CRYBG1: variants seen among roughly 807,000 people sequenced by gnomAD.
CRYBG1 encodes crystallin beta-gamma domain containing 1.
In CRYBG1, 139 loss-of-function variants were observed where a neutral mutation model predicts 189.2. That is an observed-to-expected ratio of 0.73 (90% CI 0.64 to 0.85). The LOEUF is 0.85. CRYBG1 is among the 40% of genes least tolerant of loss of function. CRYBG1 has a pLI of 0.00. For missense variants in CRYBG1, 2,611 were observed against 2,675.8 expected (o/e 0.98, Z 0.53); for synonymous variants, 1,023 against 1,017.1 (o/e 1.01, Z -0.11).
intron 2 of CRYBG1, among the ~76,000 whole-genome samples, chr6:106,501,363 C>T (rs1268478570): frequency 6.6e-6 from 1 of 152,144 alleles, no homozygotes; most frequent in Non-Finnish European, 1.5e-5. Flanking sequence ...TTTCTTTATT[C>T]TAGCCATGAC....
At position 106,512,233 on chromosome 6, in the gene CRYBG1, T is replaced by A; in HGVS notation, c.1116T>A (p.Pro372=). ...CCCGCCCCAAGGGTCACGCCCACCC[T>A]GCTAAGGTGCTAACTTTGGACATCT... ...CTARPKGHAH[P]AKVLTLDIYL... Residue 372 remains proline (P), a synonymous_variant, in exon 3 of 22, where the codon CCT becomes CCA. Coordinates refer to ENST00000633556, the MANE Select transcript of CRYBG1 (RefSeq NM_001371242.2). 1 of 1,539,464 alleles carries A rather than the reference T, an allele frequency of 6.5e-7. No homozygotes were observed. Among genetic ancestry groups the A allele is most frequent in the Admixed American group, 2.0e-5 (1 of 51,024 alleles).
intron 9 of CRYBG1, 45 bp from the exon 10 acceptor site, chr6:106,541,541 T>G: frequency 6.4e-7 from 1 of 1,571,872 alleles, no homozygotes; most frequent in South Asian, 1.1e-5. Flanking sequence ...AAAATGGTAA[T>G]GTATCAGTGA....
At chr6:106,443,100 A>G (rs1026788703) in intron 1 of CRYBG1, among the ~76,000 whole-genome samples, 1 of 152,200 alleles carries the variant, frequency 6.6e-6, no homozygotes, top group African/African-American at 2.4e-5. Flanking sequence ...TGAAGTTTAG[A>G]AGTAGGATAG....
At chr6:106,399,737 G>A (rs1770686172) in intron 1 of CRYBG1, among the ~76,000 whole-genome samples, 1 of 149,546 alleles carries the variant, frequency 6.7e-6, no homozygotes, top group Non-Finnish European at 1.5e-5. Context: ...GCTTACTGTA[G>A]CCTCAAACTC....
chr6:106,513,253 C>A (rs531110662), intron 3 of CRYBG1, among the ~76,000 whole-genome samples: 5 of 152,264 alleles, frequency 3.3e-5, no homozygotes, highest in South Asian at 4.1e-4. Context: ...CTTTTTAACA[C>A]AAGATTTAAG....
rs761517241 is a variant in CRYBG1, at chr6:106,555,819, A to C, written c.5637A>C (p.Glu1879Asp). Residue 1879 changes from glutamate to aspartate, a missense_variant, in exon 17 of 22, where the codon GAA becomes GAC. By Grantham distance (45) the Glu-to-Asp change is conservative. This residue lies in a region of CRYBG1 where 1,622 missense variants were observed against 1,735.0 expected (regional missense o/e 0.93). Coordinates refer to ENST00000633556, the MANE Select transcript of CRYBG1 (RefSeq NM_001371242.2). ...TCACTGGTAATCAATACGTGTTGGA[A>C]GAAGGCCATTATCCTTGTCTGTCTG... ...ENFTGNQYVL[E>D]EGHYPCLSAM... is the part of the protein sequence containing the mutation. 3 of 1,614,102 alleles carry C rather than the reference A, an allele frequency of 1.9e-6. No individual in the cohort carries two copies. Among genetic ancestry groups the C allele is most frequent in the East Asian group, 2.2e-5 (1 of 44,904 alleles).
In CRYBG1 at chr6:106,525,258, T is replaced by C. The variant is rs1293654392; in HGVS notation, c.4294-10T>C. ...CAACAAAGTGTGCTACCACTTTCGT[T>C]TTCTTGCAGGTAGTGATATATAGTG... On this transcript the variant is annotated splice_polypyrimidine_tract_variant and intron_variant, in intron 5 of 21. Transcript: ENST00000633556. The C allele has an allele frequency of 1.2e-6, 2 of 1,613,758 alleles. No individual in the cohort carries two copies. The highest frequency in any genetic ancestry group is 1.7e-6 in the Non-Finnish European group (2 of 1,179,756).
chr6:106,427,025 C>T (rs777362356), intron 1 of CRYBG1, among the ~76,000 whole-genome samples: 2 of 152,138 alleles, frequency 1.3e-5, no homozygotes, highest in Non-Finnish European at 2.9e-5. Flanking sequence ...CACTTTCCTC[C>T]TGTCTCCATG....
chr6:106,494,829 G>A (rs951792343), intron 2 of CRYBG1, among the ~76,000 whole-genome samples: 6 of 152,076 alleles, frequency 3.9e-5, no homozygotes, highest in Non-Finnish European at 5.9e-5. Flanking sequence ...AGTGTATAAT[G>A]TATATTTTTG....
chr6:106,550,275 G>A (rs1330504182), intron 13 of CRYBG1, among the ~76,000 whole-genome samples: 6 of 152,124 alleles, frequency 3.9e-5, no homozygotes, highest in Non-Finnish European at 8.8e-5. Context: ...GATTAAATGT[G>A]ATAACAGATG....
intron 2 of CRYBG1, among the ~76,000 whole-genome samples, chr6:106,495,874 G>T (rs1772839735): frequency 6.7e-6 from 1 of 148,592 alleles, no homozygotes; most frequent in African/African-American, 2.5e-5. Context: ...AATTTCAAAG[G>T]CAAAGTGATA....
At chr6:106,402,235 C>T (rs1169441881) in intron 1 of CRYBG1, among the ~76,000 whole-genome samples, 7 of 111,332 alleles carry the variant, frequency 6.3e-5, no homozygotes, top group South Asian at 3.5e-4. Context: ...AGGTAATTTA[C>T]GGATTCAATG....
Position 106,519,332 on chromosome 6 carries a change from T to C in CRYBG1, c.2124T>C (p.Ser708=). 1.2e-6 allele frequency: 2 copies of C among 1,614,112 alleles called. No homozygotes were observed. Among genetic ancestry groups the C allele is most frequent in the South Asian group, 1.1e-5 (1 of 91,082 alleles). Reference sequence around the variant, plus strand: ...GCCAAAGGAATACTCCTGCCTCTAGTAAAACGTTTGTTGGGAGGGCAAAGC... The same window carrying C: ...GCCAAAGGAATACTCCTGCCTCTAGCAAAACGTTTGTTGGGAGGGCAAAGC... The part of the protein sequence containing the change: ...IRGQRNTPAS[S]KTFVGRAKLN... Residue 708 remains serine, a synonymous_variant, in exon 4 of 22, where the codon AGT becomes AGC. Transcript: ENST00000633556.
Position 106,571,928 on chromosome 6 carries a change from G to C in CRYBG1, c.*3362G>C. 9.4e-7 allele frequency: 1 copy of C among 1,059,620 alleles called. No individual in the cohort carries two copies. The highest frequency in any genetic ancestry group is 1.4e-6 in the Non-Finnish European group (1 of 690,230). 65.6% of individuals were successfully genotyped at this position (1,059,620 alleles called of 1,614,324 possible). ...GAAAAATGTTTGAAAGGGATGGCTA[G>C]AAAAAAATTTGGGCTCACAGGCACT... is the stretch of plus-strand genomic sequence containing the variant. On this transcript the variant is annotated 3_prime_UTR_variant, in exon 22 of 22. Transcript: ENST00000633556.
At position 106,428,942 on chromosome 6, in the gene CRYBG1, C is replaced by T. The variant is rs79195327; in HGVS notation, c.174-22752C>T. On this transcript the variant is annotated intron_variant, in intron 1 of 21. Transcript: ENST00000633556. The stretch of plus-strand genomic sequence containing the variant: ...TCAGATAAACCAGAGTATCCTTTCC[C>T]TTGATCTTTTGAGAATGCAAATTGC... Among the ~76,000 whole-genome samples the T allele has an allele frequency of 1.8e-4, 28 of 152,286 alleles. 3 individuals are homozygous for T. The East Asian group carries it at 5.4e-3, about 29-fold the overall frequency.
At chr6:106,433,596 T>A (rs1329824155) in intron 1 of CRYBG1, among the ~76,000 whole-genome samples, 1 of 151,388 alleles carries the variant, frequency 6.6e-6, no homozygotes, top group African/African-American at 2.4e-5. Context: ...AAGTCTCCAG[T>A]TGGTTTGAAG....
intron 1 of CRYBG1, among the ~76,000 whole-genome samples, chr6:106,445,285 A>G (rs1205388462): frequency 6.6e-6 from 1 of 152,214 alleles, no homozygotes; most frequent in Non-Finnish European, 1.5e-5. Flanking sequence ...CGTGAAACTC[A>G]TCTACTGAGA....
At chr6:106,409,795 T>C (rs1770892176) in intron 1 of CRYBG1, among the ~76,000 whole-genome samples, 1 of 152,178 alleles carries the variant, frequency 6.6e-6, no homozygotes, top group Admixed American at 6.5e-5. Flanking sequence ...ATTTAATAAA[T>C]GGTGCTGGGA....
intron 21 of CRYBG1, 78 bp downstream of exon 21, chr6:106,564,004 G>C: frequency 1.4e-6 from 2 of 1,399,508 alleles, no homozygotes; most frequent in Non-Finnish European, 2.0e-6. Flanking sequence ...CATAACTTTT[G>C]AAAATGATGA....
Sources: allele counts gnomAD v4.1 joint callset (sites outside exome capture counted in the v4.1 genomes callset), GRCh38; gene constraint gnomAD v4.1.1; regional missense constraint gnomAD v4.1.1; transcripts MANE v1.5; gene names NCBI Gene and HGNC (gene_info 2026-07-23, HGNC 2026-07-21).